CLEC16A: variants seen among roughly 807,000 people sequenced by gnomAD.
The protein encoded by CLEC16A is C-type lectin domain containing 16A, also known as protein CLEC16A.
In CLEC16A, 51 loss-of-function variants were observed where a neutral mutation model predicts 109.5. That is an observed-to-expected ratio of 0.47 (90% CI 0.37 to 0.59). CLEC16A has a LOEUF of 0.59. Among genes scored for constraint, CLEC16A ranks in the 20% least tolerant of loss-of-function variants. CLEC16A has a pLI of 0.00. For synonymous variants in CLEC16A, 673 were observed against 564.2 expected (o/e 1.19, Z -2.73); for missense variants, 1,339 against 1,394.0 (o/e 0.96, Z 0.63).
intron 13 of CLEC16A, among the ~76,000 whole-genome samples, chr16:11,026,147 C>G (rs1459444887): frequency 2.0e-5 from 3 of 152,128 alleles, no homozygotes; most frequent in African/African-American, 7.2e-5. Context: ...TTGTAATTCT[C>G]TTGTCTGGTT....
intron 22 of CLEC16A, among the ~76,000 whole-genome samples, chr16:11,128,623 CCTTGG>C: frequency 6.6e-6 from 1 of 152,344 alleles, no homozygotes. Flanking sequence ...TGCCCTCCCA[CCTTGG>C]CTTGGCACCA....
At chr16:11,076,136 G>A (rs2049361076) in intron 19 of CLEC16A, among the ~76,000 whole-genome samples, 1 of 152,146 alleles carries the variant, frequency 6.6e-6, no homozygotes, top group Non-Finnish European at 1.5e-5. Flanking sequence ...CACACCAACA[G>A]CCAGTAGAAT....
At chr16:11,163,564 A>C (rs1363635270) in intron 22 of CLEC16A, among the ~76,000 whole-genome samples, 1 of 152,204 alleles carries the variant, frequency 6.6e-6, no homozygotes, top group Non-Finnish European at 1.5e-5. Flanking sequence ...CCCATTCCCA[A>C]AATAAAAGAA....
At chr16:11,059,849 G>A (rs527560123) in intron 18 of CLEC16A, among the ~76,000 whole-genome samples, 2 of 152,222 alleles carry the variant, frequency 1.3e-5, no homozygotes, top group African/African-American at 4.8e-5. Context: ...GAAGTCAGGG[G>A]ACTTGCCCAG....
In CLEC16A at chr16:11,125,979, C is replaced by G. The variant is rs1363824574; in HGVS notation, c.2474C>G (p.Ala825Gly). ...GAACCATGCTATTGTTTGACCGTAGCCCTCCTGGACCTCCCAATCCAGCCC... is the reference window on the plus strand; with the variant it reads ...GAACCATGCTATTGTTTGACCGTAGGCCTCCTGGACCTCCCAATCCAGCCC... ...ARRMKMQRIA[A>G]LLDLPIQPTT... is the part of the protein sequence containing the mutation. The change falls in exon 22 of 24, where the codon GCC becomes GGC. Residue 825 changes from alanine to glycine, a missense_variant and splice_region_variant. Around this residue, in one of 3 missense-constraint regions of CLEC16A, gnomAD observed 1,061 missense variants for 1,006.8 expected, o/e 1.05. Transcript: ENST00000409790. The G allele has an allele frequency of 6.3e-7, 1 of 1,577,854 alleles. No homozygotes were observed. Among genetic ancestry groups the G allele is most frequent in the African/African-American group, 1.4e-5 (1 of 72,708 alleles).
At chr16:11,139,167 T>C (rs908285953) in intron 22 of CLEC16A, among the ~76,000 whole-genome samples, 3 of 152,040 alleles carry the variant, frequency 2.0e-5, no homozygotes, top group African/African-American at 7.2e-5. Context: ...CCTTCGGGAG[T>C]TGTGGTGACT....
At chr16:10,951,124 ACGTCTGT>A (rs2041708309) in intron 1 of CLEC16A, among the ~76,000 whole-genome samples, 1 of 152,184 alleles carries the variant, frequency 6.6e-6, no homozygotes, top group Non-Finnish European at 1.5e-5. Flanking sequence ...AGATTTGTTT[ACGTCTGT>A]CATCCTTGGT....
intron 13 of CLEC16A, among the ~76,000 whole-genome samples, chr16:11,037,836 A>G (rs2047110470): frequency 7.1e-6 from 1 of 140,940 alleles, no homozygotes; most frequent in Non-Finnish European, 1.5e-5. Context: ...AAGGGCCAGA[A>G]ATTAACGAGT....
chr16:11,173,618 C>T (rs185966756), intron 23 of CLEC16A, among the ~76,000 whole-genome samples: 9 of 152,208 alleles, frequency 5.9e-5, no homozygotes, highest in Admixed American at 3.9e-4. Context: ...GTGCTGTTGG[C>T]GTCAGCGTGT....
chr16:10,946,135 A>C (rs2041354480), intron 1 of CLEC16A, among the ~76,000 whole-genome samples: 1 of 152,298 alleles, frequency 6.6e-6, no homozygotes, highest in African/African-American at 2.4e-5. Flanking sequence ...GGAGTAGACA[A>C]ATCTTCAGTG....
intron 5 of CLEC16A, 80 bp from the exon 6 acceptor site, chr16:10,972,474 C>T (rs1596815815): frequency 7.4e-7 from 1 of 1,354,612 alleles, no homozygotes; most frequent in Non-Finnish European, 1.0e-6. Flanking sequence ...GCTCTCTCAC[C>T]TTCCCAGGTC....
At chr16:11,149,555 G>A (rs1422450252) in intron 22 of CLEC16A, among the ~76,000 whole-genome samples, 2 of 152,170 alleles carry the variant, frequency 1.3e-5, no homozygotes, top group South Asian at 2.1e-4. Flanking sequence ...ACTTTGGGAG[G>A]CTGAGGCAGG....
At chr16:11,102,316 G>C (rs1013888546) in intron 19 of CLEC16A, among the ~76,000 whole-genome samples, 4 of 152,152 alleles carry the variant, frequency 2.6e-5, no homozygotes, top group African/African-American at 7.2e-5. Context: ...TTAGTAATCA[G>C]TTTGAACACA....
intron 22 of CLEC16A, chr16:11,136,185 G>A (rs1010543631): frequency 6.6e-6 from 1 of 152,220 alleles, no homozygotes; most frequent in Admixed American, 6.5e-5. Context: ...AGGTGGCCTT[G>A]ACCCATTTGG....
intron 22 of CLEC16A, among the ~76,000 whole-genome samples, chr16:11,154,882 G>A (rs924365237): frequency 1.3e-5 from 2 of 152,066 alleles, no homozygotes; most frequent in Non-Finnish European, 2.9e-5. Flanking sequence ...AGCTGAGATC[G>A]TGCCATTGCA....
At chr16:11,126,316 C>G (rs1458202444) in intron 22 of CLEC16A, 170 bp downstream of exon 22, 1 of 1,499,934 alleles carries the variant, frequency 6.7e-7, no homozygotes, top group East Asian at 2.5e-5. Context: ...TAAACACAGC[C>G]CCCAAAATAA....
At chr16:11,145,628 T>G (rs2054020467) in intron 22 of CLEC16A, among the ~76,000 whole-genome samples, 1 of 152,252 alleles carries the variant, frequency 6.6e-6, no homozygotes, top group Non-Finnish European at 1.5e-5. Context: ...GAGCATACGT[T>G]ACCAAGTGGG....
intron 19 of CLEC16A, among the ~76,000 whole-genome samples, chr16:11,072,789 T>G (rs919853376): frequency 1.3e-5 from 2 of 152,244 alleles, no homozygotes; most frequent in Non-Finnish European, 2.9e-5. Flanking sequence ...GACTGCATAT[T>G]GGGCACTGAA....
chr16:10,993,242 G>A (rs1024855157), intron 10 of CLEC16A, among the ~76,000 whole-genome samples: 1 of 152,132 alleles, frequency 6.6e-6, no homozygotes, highest in Admixed American at 6.5e-5. Context: ...AACCGGGCGT[G>A]ATGATGCGTA....
Sources: gnomAD v4.1 joint callset for allele counts (sites outside exome capture counted in the v4.1 genomes callset) on GRCh38, gnomAD v4.1.1 for gene constraint, gnomAD v4.1.1 regional missense constraint, MANE v1.5 for transcripts, NCBI Gene and HGNC (gene_info 2026-07-23, HGNC 2026-07-21) for gene names.